The following CDH12 variants were observed in gnomAD, a reference collection of about 807,000 sequenced individuals.
CDH12 encodes cadherin-12.
A neutral mutation model predicts 74.1 loss-of-function variants in CDH12; 41 were observed. That is an observed-to-expected ratio of 0.55 (90% confidence interval 0.43 to 0.72). The LOEUF is 0.72. Ranked by LOEUF, CDH12 falls within the 30% of genes least tolerant of loss-of-function variation. The pLI is 0.00. For synonymous variants in CDH12, 399 were observed against 355.0 expected (o/e 1.12, Z -1.39); for missense variants, 945 against 977.2 (o/e 0.97, Z 0.44).
chr5:22,542,514 T>A (rs925254036), intron 1 of CDH12, among the ~76,000 whole-genome samples: 3 of 152,182 alleles, frequency 2.0e-5, no homozygotes, highest in Non-Finnish European at 4.4e-5. Flanking sequence ...GAATTAATGA[T>A]CAGTTTGTAT....
chr5:22,402,690 G>A (rs1174312086), intron 3 of CDH12, among the ~76,000 whole-genome samples: 2 of 152,132 alleles, frequency 1.3e-5, no homozygotes, highest in Non-Finnish European at 2.9e-5. Flanking sequence ...GAAGAATTAG[G>A]AATTTCACTG....
chr5:22,590,219 C>T (rs151321574), intron 1 of CDH12, among the ~76,000 whole-genome samples: 7 of 152,076 alleles, frequency 4.6e-5, no homozygotes, highest in South Asian at 2.1e-4. Context: ...TAGGCCATCT[C>T]GTTAAATATG....
chr5:22,067,256 G>C (rs894929726), intron 5 of CDH12, among the ~76,000 whole-genome samples: 9 of 152,110 alleles, frequency 5.9e-5, no homozygotes, highest in Non-Finnish European at 1.0e-4. Context: ...AAGGGTATGG[G>C]ATATAAATCT....
chr5:22,347,983 T>A (rs1740188586), intron 3 of CDH12, among the ~76,000 whole-genome samples: 1 of 152,122 alleles, frequency 6.6e-6, no homozygotes, highest in South Asian at 2.1e-4. Flanking sequence ...CTGTGGAGAT[T>A]TTTGGCTCTC....
At chr5:22,327,233 A>G (rs922761821) in intron 3 of CDH12, among the ~76,000 whole-genome samples, 7 of 152,154 alleles carry the variant, frequency 4.6e-5, no homozygotes, top group Non-Finnish European at 2.9e-5. Context: ...TCAACATGTA[A>G]TGTCTTCAGA....
chr5:21,850,841 T>A (rs1451669429), intron 7 of CDH12, among the ~76,000 whole-genome samples: 1 of 151,424 alleles, frequency 6.6e-6, no homozygotes, highest in African/African-American at 2.4e-5. Context: ...TTGTTTTTTT[T>A]AATATGAATT....
intron 3 of CDH12, among the ~76,000 whole-genome samples, chr5:22,234,705 T>C (rs997712216): frequency 6.6e-6 from 1 of 152,038 alleles, no homozygotes; most frequent in African/African-American, 2.4e-5. Context: ...TATTTATGTA[T>C]GTATGTGTGT....
At chr5:22,470,597 T>C (rs980625862) in intron 2 of CDH12, among the ~76,000 whole-genome samples, 5 of 151,862 alleles carry the variant, frequency 3.3e-5, no homozygotes. Context: ...TTTTAAAAAA[T>C]TTTTGTAGAG....
intron 1 of CDH12, among the ~76,000 whole-genome samples, chr5:22,630,718 T>C (rs916646244): frequency 6.6e-6 from 1 of 152,172 alleles, no homozygotes; most frequent in Non-Finnish European, 1.5e-5. Context: ...ATTCTGGACA[T>C]AGGCCCTGTC....
intron 1 of CDH12, among the ~76,000 whole-genome samples, chr5:22,595,285 G>A (rs1580800667): frequency 6.6e-6 from 1 of 152,052 alleles, no homozygotes; most frequent in East Asian, 1.9e-4. Flanking sequence ...AAAACACTAA[G>A]AGCATATCTG....
At chr5:21,997,295 C>G (rs961185857) in intron 5 of CDH12, among the ~76,000 whole-genome samples, 1 of 152,078 alleles carries the variant, frequency 6.6e-6, no homozygotes, top group African/African-American at 2.4e-5. Context: ...AAAAAGAATA[C>G]TGTTCCTCCA....
chr5:22,454,757 G>C (rs1003262273), intron 2 of CDH12, among the ~76,000 whole-genome samples: 12 of 152,296 alleles, frequency 7.9e-5, no homozygotes, highest in Admixed American at 7.2e-4. Context: ...TTACAGGCCT[G>C]AGCCACTGTG....
chr5:22,027,671 C>G (rs1738466198), intron 5 of CDH12, among the ~76,000 whole-genome samples: 1 of 152,050 alleles, frequency 6.6e-6, no homozygotes, highest in South Asian at 2.1e-4. Flanking sequence ...TCCCCTTTAT[C>G]ATTTTTTATT....
At chr5:22,011,788 T>G (rs1737310416) in intron 5 of CDH12, among the ~76,000 whole-genome samples, 2 of 152,188 alleles carry the variant, frequency 1.3e-5, no homozygotes, top group African/African-American at 4.8e-5. Context: ...CAAAAAAGAT[T>G]AATATTCTAT....
chr5:21,792,638 G>GAAC (rs1315734593), intron 10 of CDH12, among the ~76,000 whole-genome samples: 7 of 134,526 alleles, frequency 5.2e-5, no homozygotes, highest in African/African-American at 1.9e-4. Flanking sequence ...GTCATACACG[G>GAAC]TTTCTTACGG....
At chr5:22,129,655 G>A (rs1055384973) in intron 4 of CDH12, among the ~76,000 whole-genome samples, 6 of 152,092 alleles carry the variant, frequency 3.9e-5, no homozygotes, top group African/African-American at 1.2e-4. Context: ...CACACCTGGT[G>A]CTTTTCAGTG....
chr5:22,239,130 G>T (rs1752659914), intron 3 of CDH12, among the ~76,000 whole-genome samples: 1 of 152,094 alleles, frequency 6.6e-6, no homozygotes, highest in African/African-American at 2.4e-5. Flanking sequence ...CCTTCCTTGG[G>T]CTGATGACTG....
intron 1 of CDH12, among the ~76,000 whole-genome samples, chr5:22,626,346 A>C (rs1440408083): frequency 2.6e-5 from 4 of 152,086 alleles, no homozygotes; most frequent in African/African-American, 9.7e-5. Context: ...ACCTCATCAG[A>C]ATGTTGGGGC....
chr5:22,055,130 A>G lies in CDH12; in HGVS notation c.231+23316T>C, dbSNP rs192359619. 2.0e-3 allele frequency among the ~76,000 whole-genome samples: 306 copies of G among 152,334 alleles called. 4 individuals are homozygous for G. The highest frequency in any genetic ancestry group is 6.8e-3 in the African/African-American group (281 of 41,580). On this transcript the variant is annotated intron_variant, in intron 5 of 14. Transcript: ENST00000382254. ...CCTTTGCATCAGGAGGAGCAGCTCT[A>G]GCCTTGGAAAATTAGTAGAGTCCTA...
Sources: allele counts gnomAD v4.1 joint callset (sites outside exome capture counted in the v4.1 genomes callset), GRCh38; gene constraint gnomAD v4.1.1; transcripts MANE v1.5; gene names NCBI Gene and HGNC (gene_info 2026-07-23, HGNC 2026-07-21).